MAEA: variants seen among roughly 807,000 people sequenced by gnomAD.
MAEA encodes macrophage erythroblast attacher, E3 ubiquitin ligase.
A neutral mutation model predicts 46.2 loss-of-function variants in MAEA; 22 were observed. That is an observed-to-expected ratio of 0.48 (90% CI 0.34 to 0.68). The LOEUF (loss-of-function observed/expected upper bound fraction) is 0.68. Among genes scored for constraint, MAEA ranks in the 30% least tolerant of loss-of-function variants. MAEA has a pLI of 0.01. For missense variants in MAEA, 393 were observed against 558.1 expected (o/e 0.70, Z 2.98); for synonymous variants, 246 against 222.6 (o/e 1.11, Z -0.94).
chr4:1,298,179 G>A, intron 1 of MAEA: 1 of 426,348 alleles, frequency 2.3e-6, no homozygotes, highest in Non-Finnish European at 4.8e-6. Context: ...CTTGTGCTCT[G>A]CCCGCGGCTT....
rs773721944 is a variant in MAEA at position 1,322,409 on chromosome 4, C to T, written c.485C>T (p.Thr162Met). 9 of 1,613,912 alleles carry T rather than the reference C, an allele frequency of 5.6e-6. No individual in the cohort carries two copies. The highest frequency in any genetic ancestry group is 1.3e-5 in the African/African-American group (1 of 74,936). ...CTAGTGAATATTGAGATGTTCCTGA[C>T]GGCCAAAGAGGTGGAGGAGTCCCTG... Reference protein sequence around the residue: ...EDLVNIEMFLTAKEVEESLER... With the variant: ...EDLVNIEMFLMAKEVEESLER... Residue 162 changes from threonine (T) to methionine (M), a missense_variant, in exon 4 of 9, where the codon ACG (threonine) becomes ATG (methionine). Physicochemically the swap from Thr to Met is moderately conservative, Grantham distance 81. Around this residue, in one of 2 missense-constraint regions of MAEA, gnomAD observed 358 missense variants for 537.9 expected, o/e 0.67. Coordinates refer to ENST00000303400, the MANE Select transcript of MAEA (RefSeq NM_001017405.3).
intron 2 of MAEA, 89 bp from the exon 3 acceptor site, chr4:1,315,308 G>A (rs1412576128): frequency 2.5e-6 from 3 of 1,204,686 alleles, no homozygotes; most frequent in Non-Finnish European, 3.6e-6. Context: ...CTCCTTGTGA[G>A]TGTTGTGGAT....
chr4:1,294,722 C>G (rs183487647), intron 1 of MAEA, among the ~76,000 whole-genome samples: 109 of 149,574 alleles, frequency 7.3e-4, no homozygotes, highest in African/African-American at 2.4e-3. Context: ...GGCATCAGCA[C>G]AAGCACACAC....
chr4:1,305,768 C>T (rs1364508843), intron 1 of MAEA, among the ~76,000 whole-genome samples: 1 of 68,760 alleles, frequency 1.5e-5, no homozygotes, highest in African/African-American at 3.2e-5. Flanking sequence ...CGTGCGCACG[C>T]GTGCGTGTAA....
At chr4:1,296,551 T>TTC (rs34363857) in intron 1 of MAEA, among the ~76,000 whole-genome samples, 21,687 of 149,226 alleles carry the variant, frequency 0.15, 3,216 homozygotes, top group East Asian at 0.4. Flanking sequence ...CTGCACTTGG[T>TTC]TCTCTCTCTG....
chr4:1,295,774 C>T (rs112682311), intron 1 of MAEA, among the ~76,000 whole-genome samples: 1 of 80,978 alleles, frequency 1.2e-5, no homozygotes, highest in Non-Finnish European at 2.6e-5. Context: ...CTCTGCCCCC[C>T]TCACCCGCGC....
At chr4:1,321,873 GTT>G (rs4045167) in intron 3 of MAEA, among the ~76,000 whole-genome samples, 56 of 140,448 alleles carry the variant, frequency 4.0e-4, no homozygotes, top group Admixed American at 1.4e-3. Context: ...TTTTTTTGTT[GTT>G]TTTTTTTTTT....
intron 1 of MAEA, among the ~76,000 whole-genome samples, chr4:1,297,118 G>A (rs115301689): frequency 7.8e-4 from 119 of 152,314 alleles, no homozygotes; most frequent in African/African-American, 2.8e-3. Flanking sequence ...GCCGCATCTC[G>A]GCCTTGGGGC....
chr4:1,322,547 G>C, intron 4 of MAEA, 44 bp downstream of exon 4: 1 of 1,606,116 alleles, frequency 6.2e-7, no homozygotes, highest in South Asian at 1.1e-5. Context: ...TCGGGGCCGA[G>C]GCTGCGCCAC....
At chr4:1,300,569 C>T (rs1408785969) in intron 1 of MAEA, among the ~76,000 whole-genome samples, 2 of 152,280 alleles carry the variant, frequency 1.3e-5, no homozygotes, top group Admixed American at 6.5e-5. Context: ...GCGTGGGGCA[C>T]GGCCCCGGCT....
At chr4:1,315,191 G>C (rs1736972639) in intron 2 of MAEA, among the ~76,000 whole-genome samples, 1 of 152,212 alleles carries the variant, frequency 6.6e-6, no homozygotes, top group Non-Finnish European at 1.5e-5. Context: ...TGCAGATCCA[G>C]GGTGGTGGAT....
chr4:1,330,685 A>G lies in MAEA; in HGVS notation c.657-2072A>G, dbSNP rs1414653652. 3 of 152,208 alleles carry G rather than the reference A, an allele frequency of 2.0e-5. No homozygotes were observed. In the East Asian group the frequency reaches 5.8e-4, roughly 29 times the overall value. 9.4% of individuals were successfully genotyped at this position (152,208 alleles called of 1,614,324 possible). The stretch of plus-strand genomic sequence containing the variant: ...TATGTTAGCTGCATTTAGTTTGTTA[A>G]AAGTCACGGTTTTGTTTCCCCTGTG... On this transcript the variant is annotated intron_variant, in intron 5 of 8. Coordinates refer to ENST00000303400, the MANE Select transcript of MAEA (RefSeq NM_001017405.3).
rs1379870346 is a variant in MAEA at position 1,338,701 on chromosome 4, C to T, written c.1095+84C>T. ...TGTGGGACGGGCAGGGCAGGGGGGC[C>T]AGGCTGGCACGCATCGCCATCGGGA... On this transcript the variant is annotated intron_variant, in intron 8 of 8. Transcript: ENST00000303400. 3 of 1,327,276 alleles carry T rather than the reference C, an allele frequency of 2.3e-6. No homozygotes were observed. The Admixed American group carries it at 6.4e-5, about 28-fold the overall frequency. 82.2% of individuals were successfully genotyped at this position (1,327,276 alleles called of 1,614,324 possible). A position where few individuals can be genotyped will look rare whatever the true frequency, so the allele number is the denominator to read the frequency against.
intron 6 of MAEA, chr4:1,335,712 G>T (rs1397287385): frequency 1.0e-6 from 1 of 985,186 alleles, no homozygotes; most frequent in South Asian, 4.7e-5. Flanking sequence ...AGTTAAGTCA[G>T]CACTGGCCCC....
intron 4 of MAEA, among the ~76,000 whole-genome samples, chr4:1,325,987 A>ACAGGGCAGAGGCAG (rs1200873621): frequency 6.6e-6 from 1 of 151,906 alleles, no homozygotes; most frequent in African/African-American, 2.4e-5. Flanking sequence ...GGCTGAGGGT[A>ACAGGGCAGAGGCAG]CAGGGCAGAG....
In MAEA at chr4:1,315,472, A is replaced by G; in HGVS notation, c.328A>G (p.Ser110Gly). The G allele has an allele frequency of 6.2e-7, 1 of 1,613,902 alleles. No homozygotes were observed. The highest frequency in any genetic ancestry group is 8.5e-7 in the Non-Finnish European group (1 of 1,180,008). Residue 110 changes from serine to glycine, a missense_variant, in exon 3 of 9, where the codon AGC becomes GGC. Around this residue, in one of 2 missense-constraint regions of MAEA, gnomAD observed 358 missense variants for 537.9 expected, o/e 0.67. Transcript: ENST00000303400. ...CCGGATCGAGCACCTCAAAGAGCAT[A>G]GCAGCGACCAGCCCGCGGCGGCCAG... ...KRRIEHLKEH[S>G]SDQPAAASVW...
chr4:1,317,116 G>A (rs183381417), intron 3 of MAEA, among the ~76,000 whole-genome samples: 34 of 54,616 alleles, frequency 6.2e-4, no homozygotes, highest in South Asian at 2.4e-3. Context: ...AGGCCCACCC[G>A]GTCCCACACT....
At chr4:1,309,788 T>G in intron 1 of MAEA, 2 of 1,424,218 alleles carry the variant, frequency 1.4e-6, no homozygotes, top group Non-Finnish European at 1.8e-6. Flanking sequence ...CCTTTTCCCT[T>G]GCACTGGGAG....
At chr4:1,327,572 C>A in intron 4 of MAEA, 55 bp from the exon 5 acceptor site, 2 of 1,315,414 alleles carry the variant, frequency 1.5e-6, no homozygotes, top group Non-Finnish European at 1.1e-6. Context: ...GGCACCCGGG[C>A]ACCTGGGCTC....
Sources: allele counts gnomAD v4.1 joint callset (sites outside exome capture counted in the v4.1 genomes callset), GRCh38; gene constraint gnomAD v4.1.1; regional missense constraint gnomAD v4.1.1; transcripts MANE v1.5; gene names NCBI Gene and HGNC (gene_info 2026-07-23, HGNC 2026-07-21).